The following ATCAY variants were observed in gnomAD, a reference collection of about 807,000 sequenced individuals.
ATCAY encodes caytaxin.
Under a neutral mutation model 47.7 loss-of-function variants are expected in ATCAY, and 22 were observed. That is an observed-to-expected ratio of 0.46 (90% CI 0.33 to 0.66). ATCAY has a LOEUF of 0.66. ATCAY is among the 30% of genes least tolerant of loss of function. The pLI, the probability that ATCAY is intolerant of heterozygous loss-of-function variation, is 0.02. For synonymous variants in ATCAY, 216 were observed against 207.6 expected, an observed-to-expected ratio of 1.04 and a Z score of -0.35; for missense variants, 452 against 515.0, an observed-to-expected ratio of 0.88 and a Z score of 1.18.
intron 9 of ATCAY, among the ~76,000 whole-genome samples, chr19:3,916,001 G>A (rs1415832663): frequency 6.6e-6 from 1 of 151,916 alleles, no homozygotes; most frequent in Admixed American, 6.6e-5. Flanking sequence ...TCTCCAGAAC[G>A]TTCTCATCTT....
At chr19:3,883,083 T>G (rs958011428) in intron 1 of ATCAY, among the ~76,000 whole-genome samples, 2 of 151,920 alleles carry the variant, frequency 1.3e-5, no homozygotes, top group Admixed American at 6.6e-5. Context: ...CTAGACGCTT[T>G]AAAAAGTGGA....
At chr19:3,889,512 G>C (rs2038694389) in intron 2 of ATCAY, among the ~76,000 whole-genome samples, 1 of 152,146 alleles carries the variant, frequency 6.6e-6, no homozygotes, top group Admixed American at 6.6e-5. Context: ...CAGGAGGATT[G>C]TTTGGACTTG....
intron 9 of ATCAY, 130 bp from the exon 10 acceptor site, chr19:3,917,612 G>GAAAAAAAAAAAAAAAAAA: frequency 2.1e-6 from 1 of 483,208 alleles, no homozygotes; most frequent in Non-Finnish European, 3.4e-6. Flanking sequence ...AAAAAAAAAG[G>GAAAAAAAAAAAAAAAAAA]AAGAAGAAGA....
chr19:3,902,411 T>C lies in ATCAY; in HGVS notation c.78-76T>C. 2.0e-5 allele frequency: 28 copies of C among 1,404,634 alleles called. 1 individual carries two copies. The highest frequency in any genetic ancestry group is 2.8e-5 in the Non-Finnish European group (28 of 1,014,540). The allele number at this position is 1,404,634 out of a possible 1,614,324, so 87.0% of individuals were successfully genotyped here. A position where few individuals can be genotyped will look rare whatever the true frequency, so the allele number is the denominator to read the frequency against. Reference sequence around the variant, plus strand: ...TGTCTGACTCGCCTGGCTGGACCTGTCTGGGCCACTCCACTGTCCTCTGCC... The same window carrying C: ...TGTCTGACTCGCCTGGCTGGACCTGCCTGGGCCACTCCACTGTCCTCTGCC... On this transcript the variant is annotated intron_variant, in intron 2 of 12. Coordinates refer to ENST00000450849, the MANE Select transcript of ATCAY (RefSeq NM_033064.5).
intron 6 of ATCAY, 31 bp from the exon 7 acceptor site, chr19:3,909,455 T>C (rs1348731943): frequency 6.2e-7 from 1 of 1,606,980 alleles, no homozygotes; most frequent in Non-Finnish European, 8.5e-7. Context: ...CCCTCCATGT[T>C]GGGTCCCTGC....
At chr19:3,898,270 G>A (rs372801272) in intron 2 of ATCAY, among the ~76,000 whole-genome samples, 5 of 151,460 alleles carry the variant, frequency 3.3e-5, no homozygotes, top group African/African-American at 4.9e-5. Flanking sequence ...CTGCAGCCTC[G>A]ACCTCCCAAG....
rs1411088645 is a variant in ATCAY at position 3,907,438 on chromosome 19, A to G, written c.359-296A>G. On this transcript the variant is annotated intron_variant, in intron 4 of 12. Transcript: ENST00000450849. This position sits in a 1 kb window ranked among gnomAD's most constrained non-coding sequence, Gnocchi z 5.1. ...GTATCCTCGTGGTTTGATGAAGCAGATGCATTCACCAGCTCTGAGAAGCTC... is the reference window on the plus strand; with the variant it reads ...GTATCCTCGTGGTTTGATGAAGCAGGTGCATTCACCAGCTCTGAGAAGCTC... Among the ~76,000 whole-genome samples the G allele has an allele frequency of 6.6e-6, 1 of 152,188 alleles. No individual in the cohort carries two copies. The highest frequency in any genetic ancestry group is 1.9e-4 in the East Asian group (1 of 5,192).
In ATCAY at chr19:3,908,067, C is replaced by T. The variant is rs1389577771; in HGVS notation, c.544+148C>T. The T allele has an allele frequency of 6.7e-6, 8 of 1,192,674 alleles. No homozygotes were observed. The African/African-American group carries it at 1.2e-4, about 18-fold the overall frequency. The allele number at this position is 1,192,674 out of a possible 1,614,324, so 73.9% of individuals were successfully genotyped here. On this transcript the variant is annotated intron_variant, in intron 5 of 12. Transcript: ENST00000450849. ...GGACTGTGGGCAAGGCGTGCATGGT[C>T]AGGGAGGCGCACTGGGGGCCCCTGA...
rs962101369 is a variant in ATCAY, at chr19:3,907,511, G to A, written c.359-223G>A. On this transcript the variant is annotated intron_variant, in intron 4 of 12. Transcript: ENST00000450849. The surrounding 1 kb of genome is among the most constrained non-coding windows in gnomAD (Gnocchi z 5.1). ...CAGAGTGCCCTGGGAGGCCAGCAAA[G>A]GGAATGTCCAGAAAGGCTTCCTGGA... Among the ~76,000 whole-genome samples, 1 of 152,212 alleles carries A rather than the reference G, an allele frequency of 6.6e-6. No homozygotes were observed. Among genetic ancestry groups the A allele is most frequent in the Admixed American group, 6.6e-5 (1 of 15,266 alleles).
chr19:3,887,469 A>AT lies in ATCAY; in HGVS notation c.77+1633dup, dbSNP rs891650078. Among the ~76,000 whole-genome samples, 15 of 150,196 alleles carry AT rather than the reference A, an allele frequency of 1.0e-4. No homozygotes were observed. The East Asian group carries it at 1.0e-3, about 10-fold the overall frequency. On this transcript the variant is annotated intron_variant, in intron 2 of 12. Transcript: ENST00000450849. ...CGAGACTCTGTCTCTATTTTATTTT[A>AT]TTTTTTTTATTTTATTTATTTATTT... is the stretch of plus-strand genomic sequence containing the variant.
chr19:3,891,787 C>T (rs1369459053), intron 2 of ATCAY, among the ~76,000 whole-genome samples: 2 of 151,958 alleles, frequency 1.3e-5, no homozygotes, highest in African/African-American at 4.8e-5. Flanking sequence ...GTGAGCTGCC[C>T]CATAGCTCCC....
intron 4 of ATCAY, 44 bp downstream of exon 4, chr19:3,905,699 C>T (rs145603275): frequency 6.5e-6 from 10 of 1,533,214 alleles, no homozygotes; most frequent in African/African-American, 1.4e-5. Flanking sequence ...GCCCACCCCC[C>T]CCACCCCACC....
rs756401076 is a variant in ATCAY at position 3,918,864 on chromosome 19, C to G, written c.1060C>G (p.Pro354Ala). 1 of 1,613,964 alleles carries G rather than the reference C, an allele frequency of 6.2e-7. No individual in the cohort carries two copies. Among genetic ancestry groups the G allele is most frequent in the Non-Finnish European group, 8.5e-7 (1 of 1,179,880 alleles). Residue 354 changes from proline to alanine, a missense_variant, in exon 11 of 13, where the codon CCA (proline) becomes GCA (alanine). Coordinates refer to ENST00000450849, the MANE Select transcript of ATCAY (RefSeq NM_033064.5). Reference protein sequence around the residue: ...PRSEEKPEVAPVENRSALVSE... With the variant: ...PRSEEKPEVAAVENRSALVSE... The stretch of plus-strand genomic sequence containing the variant: ...GTCTGAAGAGAAGCCAGAGGTGGCA[C>G]CAGTGGAAAACAGGTAGGTGTGCAG...
intron 9 of ATCAY, among the ~76,000 whole-genome samples, chr19:3,915,963 T>G (rs986650035): frequency 2.6e-5 from 4 of 152,074 alleles, no homozygotes; most frequent in Admixed American, 1.3e-4. Context: ...GTGCTGGGAT[T>G]ACAGGCATGA....
In ATCAY at chr19:3,907,645, G is replaced by A; in HGVS notation, c.359-89G>A. On this transcript the variant is annotated intron_variant, in intron 4 of 12. Transcript: ENST00000450849. This position sits in a 1 kb window ranked among gnomAD's most constrained non-coding sequence, Gnocchi z 5.1. ...GGACTTGTGGGTCCCGGCAGCGAGG[G>A]AGGTGGGAGAGGGGAAGGAAGGCTG... 1 of 1,495,780 alleles carries A rather than the reference G, an allele frequency of 6.7e-7. No individual in the cohort carries two copies. Among genetic ancestry groups the A allele is most frequent in the Non-Finnish European group, 9.1e-7 (1 of 1,093,438 alleles). The allele number at this position is 1,495,780 out of a possible 1,614,324, so 92.7% of individuals were successfully genotyped here.
At position 3,925,412 on chromosome 19, in the gene ATCAY, A is replaced by G. The variant is rs1400832536; in HGVS notation, c.*820A>G. On this transcript the variant is annotated 3_prime_UTR_variant, in exon 13 of 13. Coordinates refer to ENST00000450849, the MANE Select transcript of ATCAY (RefSeq NM_033064.5). This position sits in a 1 kb window ranked among gnomAD's most constrained non-coding sequence, Gnocchi z 4.4. ...TCCCCCAACCCAGCGTCAGGCTGGG[A>G]CACGCCAACGCTGTTCCGGGTTGGA... 1.3e-5 allele frequency: 2 copies of G among 152,254 alleles called. No individual in the cohort carries two copies. Among genetic ancestry groups the G allele is most frequent in the African/African-American group, 4.8e-5 (2 of 41,470 alleles). The allele number at this position is 152,254 out of a possible 1,614,324, so 9.4% of individuals were successfully genotyped here.
At chr19:3,902,150 A>C (rs2038821074) in intron 2 of ATCAY, among the ~76,000 whole-genome samples, 1 of 152,042 alleles carries the variant, frequency 6.6e-6, no homozygotes, top group African/African-American at 2.4e-5. Context: ...CCATCTCTAC[A>C]AAAAACCAAA....
At chr19:3,905,698 C>A in intron 4 of ATCAY, 43 bp downstream of exon 4, 1 of 1,529,766 alleles carries the variant, frequency 6.5e-7, no homozygotes, top group South Asian at 1.2e-5. Context: ...AGCCCACCCC[C>A]CCCACCCCAC....
chr19:3,887,782 T>G lies in ATCAY; in HGVS notation c.77+1938T>G, dbSNP rs186249047. Among the ~76,000 whole-genome samples the G allele has an allele frequency of 3.2e-3, 455 of 140,094 alleles. 2 individuals are homozygous for G. The highest frequency in any genetic ancestry group is 0.01 in the African/African-American group (387 of 38,526). The allele number at this position is 140,094 out of a possible 152,430, so 91.9% of individuals were successfully genotyped here. On this transcript the variant is annotated intron_variant, in intron 2 of 12. Transcript: ENST00000450849. ...ATTACAGGCGTGAGCCATCGCGCCC[T>G]ACCACCTGTCTCTATTTAAAAAGAG...
Sources: gnomAD v4.1 joint callset for allele counts (sites outside exome capture counted in the v4.1 genomes callset) on GRCh38, gnomAD v4.1.1 for gene constraint, Gnocchi (gnomAD v3.1) non-coding constraint, MANE v1.5 for transcripts, NCBI Gene and HGNC (gene_info 2026-07-23, HGNC 2026-07-21) for gene names.